Variants in GABRB2 observed in about 807,000 individuals in gnomAD.
GABRB2 encodes the protein gamma-aminobutyric acid receptor subunit beta-2.
Under a neutral mutation model 54.7 loss-of-function variants are expected in GABRB2, and 16 were observed. The ratio of observed to expected loss-of-function variants is 0.29; its 90% CI spans 0.20 to 0.44. GABRB2 has a LOEUF of 0.44. Ranked by LOEUF, GABRB2 falls within the 20% of genes least tolerant of loss-of-function variation. The pLI, the probability that GABRB2 is intolerant of heterozygous loss-of-function variation, is 1.00. For missense variants in GABRB2, 355 were observed against 644.0 expected, an observed-to-expected ratio of 0.55 and a Z score of 4.86; for synonymous variants, 244 against 233.8, an observed-to-expected ratio of 1.04 and a Z score of -0.40.
chr5:161,501,857 A>G (rs887289347), intron 3 of GABRB2, among the ~76,000 whole-genome samples: 9 of 149,978 alleles, frequency 6.0e-5, no homozygotes, highest in Non-Finnish European at 1.3e-4. Context: ...AACCTAAAAT[A>G]TAAGTTAAAT....
chr5:161,513,788 G>C lies in GABRB2; in HGVS notation c.237+31439C>G, dbSNP rs570780330. Among the ~76,000 whole-genome samples the C allele has an allele frequency of 6.1e-3, 932 of 151,912 alleles. 3 individuals carry two copies. The highest frequency in any genetic ancestry group is 0.01 in the Non-Finnish European group (690 of 67,952). ...TGCACCTCCTGAATCTCAAATAAAAGTTGAAATTATTTTAAAAATTAAAAA... is the reference window on the plus strand; with the variant it reads ...TGCACCTCCTGAATCTCAAATAAAACTTGAAATTATTTTAAAAATTAAAAA... On this transcript the variant is annotated intron_variant, in intron 3 of 9. Coordinates refer to ENST00000393959, the MANE Select transcript of GABRB2 (RefSeq NM_001371727.1).
At chr5:161,487,220 G>A (rs1470384504) in intron 3 of GABRB2, among the ~76,000 whole-genome samples, 2 of 151,784 alleles carry the variant, frequency 1.3e-5, no homozygotes, top group African/African-American at 2.4e-5. Flanking sequence ...ATCATTCTAC[G>A]TTTTGGTATT....
In GABRB2 at chr5:161,336,827, A is replaced by C. The variant is rs184258517; in HGVS notation, c.542-58T>G. On this transcript the variant is annotated intron_variant, in intron 5 of 9. Transcript: ENST00000393959. ...AAATACAGAAAACAAAAAAAAAAAA[A>C]CAGACAAAACAGAAAAAAATACCTG... 589 of 1,499,686 alleles carry C rather than the reference A, an allele frequency of 3.9e-4. No individual in the cohort carries two copies. The African/African-American group carries it at 6.1e-3, about 16-fold the overall frequency. 92.9% of individuals were successfully genotyped at this position (1,499,686 alleles called of 1,614,324 possible). A position where few individuals can be genotyped will look rare whatever the true frequency, so the allele number is the denominator to read the frequency against.
Position 161,442,766 on chromosome 5 carries a change from C to CT in GABRB2, c.458+16857dup, listed in dbSNP as rs550396469. Among the ~76,000 whole-genome samples, 129 of 150,180 alleles carry CT rather than the reference C, an allele frequency of 8.6e-4. 2 individuals carry two copies. In the South Asian group the frequency reaches 0.021, roughly 25 times the overall value. On this transcript the variant is annotated intron_variant, in intron 4 of 9. Transcript: ENST00000393959. ...TTTTCAATTCTCTCTCTCTCTCTTTCTTTTTTTTTGATCTCAGAGTCCCCT... is the reference window on the plus strand; with the variant it reads ...TTTTCAATTCTCTCTCTCTCTCTTTCTTTTTTTTTTGATCTCAGAGTCCCCT...
intron 3 of GABRB2, among the ~76,000 whole-genome samples, chr5:161,473,244 T>A (rs1271632546): frequency 6.6e-6 from 1 of 152,004 alleles, no homozygotes; most frequent in Admixed American, 6.6e-5. Context: ...GTAGATTGTA[T>A]CCCTTTGAAT....
At chr5:161,422,906 T>C (rs1047982013) in intron 4 of GABRB2, among the ~76,000 whole-genome samples, 2 of 152,204 alleles carry the variant, frequency 1.3e-5, no homozygotes, top group Admixed American at 6.5e-5. Flanking sequence ...GTAGAAAAGA[T>C]GATAAAATGA....
chr5:161,397,272 T>C (rs1394904813), intron 5 of GABRB2, among the ~76,000 whole-genome samples: 1 of 152,212 alleles, frequency 6.6e-6, no homozygotes, highest in Non-Finnish European at 1.5e-5. Flanking sequence ...GTGATTTTGA[T>C]ACAATTATAA....
intron 5 of GABRB2, among the ~76,000 whole-genome samples, chr5:161,367,490 GA>G (rs1305288460): frequency 6.9e-6 from 1 of 145,892 alleles, no homozygotes; most frequent in Non-Finnish European, 1.5e-5. Flanking sequence ...TAACTATTCT[GA>G]GTTAACGTAT....
At chr5:161,372,127 G>C (rs1345738) in intron 5 of GABRB2, among the ~76,000 whole-genome samples, 47 of 152,238 alleles carry the variant, frequency 3.1e-4, no homozygotes, top group Admixed American at 6.5e-4. Context: ...GGCCAAATCA[G>C]ATCTGCAGAT....
At chr5:161,464,872 G>A (rs1309077677) in intron 3 of GABRB2, among the ~76,000 whole-genome samples, 1 of 151,986 alleles carries the variant, frequency 6.6e-6, no homozygotes, top group Non-Finnish European at 1.5e-5. Context: ...CAGATGAACG[G>A]TCCCCTGGGG....
intron 3 of GABRB2, among the ~76,000 whole-genome samples, chr5:161,482,300 G>A (rs1758786374): frequency 6.6e-6 from 1 of 152,028 alleles, no homozygotes; most frequent in African/African-American, 2.4e-5. Flanking sequence ...AGTCTATCCA[G>A]CTATTGTTTC....
intron 9 of GABRB2, among the ~76,000 whole-genome samples, chr5:161,316,010 T>C (rs1340211295): frequency 6.6e-6 from 1 of 152,178 alleles, no homozygotes; most frequent in Non-Finnish European, 1.5e-5. Flanking sequence ...TTTGTAAGTG[T>C]ATATAAATTG....
chr5:161,358,400 A>T (rs1754703240), intron 5 of GABRB2, among the ~76,000 whole-genome samples: 2 of 152,154 alleles, frequency 1.3e-5, no homozygotes, highest in South Asian at 4.1e-4. Context: ...AGACTAGGTG[A>T]CTAAAGTAAT....
At position 161,330,920 on chromosome 5, in the gene GABRB2, C is replaced by T. The variant is rs1753820203; in HGVS notation, c.1040G>A (p.Ser347Asn). ...RQKKAAEKAA[S>N]ANNEKMRLDV... The stretch of plus-strand genomic sequence containing the variant: ...CAGGCGCATCTTCTCATTGTTGGCA[C>T]TGGCAGCCTTCTCAGCTGCTTTCTT... The change falls in exon 8 of 10, where the codon AGT (serine) becomes AAT (asparagine). Residue 347 changes from serine (S) to asparagine (N), a missense_variant. By Grantham distance (46) the Ser-to-Asn change is conservative. Coordinates refer to ENST00000393959, the MANE Select transcript of GABRB2 (RefSeq NM_001371727.1). The T allele has an allele frequency of 3.7e-6, 6 of 1,614,224 alleles. No homozygotes were observed. Among genetic ancestry groups the T allele is most frequent in the Non-Finnish European group, 5.1e-6 (6 of 1,180,038 alleles).
intron 5 of GABRB2, among the ~76,000 whole-genome samples, chr5:161,343,293 T>G (rs1754227011): frequency 6.6e-6 from 1 of 151,970 alleles, no homozygotes; most frequent in Non-Finnish European, 1.5e-5. Context: ...TCAGGCTTGA[T>G]TATCTAGTGG....
At chr5:161,430,432 A>G (rs1757143282) in intron 4 of GABRB2, among the ~76,000 whole-genome samples, 1 of 152,184 alleles carries the variant, frequency 6.6e-6, no homozygotes, top group Non-Finnish European at 1.5e-5. Flanking sequence ...GTATCACTTC[A>G]GTAGAGAGGA....
At chr5:161,518,322 T>C (rs1301068481) in intron 3 of GABRB2, among the ~76,000 whole-genome samples, 1 of 152,170 alleles carries the variant, frequency 6.6e-6, no homozygotes, top group Non-Finnish European at 1.5e-5. Flanking sequence ...AAATGAATTA[T>C]TTACAGTTTC....
chr5:161,472,293 G>T (rs566078487), intron 3 of GABRB2, among the ~76,000 whole-genome samples: 56 of 151,660 alleles, frequency 3.7e-4, no homozygotes, highest in African/African-American at 1.3e-3. Flanking sequence ...CTGACCATTA[G>T]CCCGTGTTCT....
intron 9 of GABRB2, among the ~76,000 whole-genome samples, chr5:161,323,317 C>T (rs1319532110): frequency 6.6e-6 from 1 of 152,178 alleles, no homozygotes; most frequent in Admixed American, 6.5e-5. Flanking sequence ...GCCACCCGCC[C>T]AGCCAAAATA....
Sources: allele counts gnomAD v4.1 joint callset (sites outside exome capture counted in the v4.1 genomes callset), GRCh38; gene constraint gnomAD v4.1.1; transcripts MANE v1.5; gene names NCBI Gene and HGNC (gene_info 2026-07-23, HGNC 2026-07-21).